The following KHDC1 variants were observed in gnomAD, a reference collection of about 807,000 sequenced individuals.
The protein encoded by KHDC1 is KH homology domain-containing protein 1.
A neutral mutation model predicts 24.7 loss-of-function variants in KHDC1; 21 were observed. The observed-to-expected ratio is 0.85, with a 90% CI of 0.60 to 1.23. The LOEUF (loss-of-function observed/expected upper bound fraction) is 1.23. Ranked by LOEUF, KHDC1 falls within the 50% of genes most tolerant of loss-of-function variation. The pLI, the probability that KHDC1 is intolerant of heterozygous loss-of-function variation, is 0.00. For missense variants in KHDC1, 274 were observed against 298.5 expected (o/e 0.92, Z 0.61); for synonymous variants, 98 against 111.7 (o/e 0.88, Z 0.77).
intron 2 of KHDC1, among the ~76,000 whole-genome samples, chr6:73,279,376 G>A (rs910315383): frequency 6.6e-6 from 1 of 152,026 alleles, no homozygotes; most frequent in East Asian, 1.9e-4. Flanking sequence ...CTCCAGCCTA[G>A]GTGACAGACC....
At chr6:73,278,263 C>G (rs923248039) in intron 2 of KHDC1, among the ~76,000 whole-genome samples, 7 of 151,866 alleles carry the variant, frequency 4.6e-5, no homozygotes, top group Non-Finnish European at 1.5e-5. Context: ...GTGATCCCCC[C>G]ACCTCGGCCT....
rs1767860688 is a variant in KHDC1 at position 73,300,802 on chromosome 6, A to G, written c.163+8750T>C. On this transcript the variant is annotated intron_variant, in intron 1 of 4. Transcript: ENST00000370384. ...GGATATTTAGGCCAATGGAAAATCC[A>G]GTTTTCCTTAGAATTAAGCCAGTGC... is the stretch of plus-strand genomic sequence containing the variant. 4.6e-5 allele frequency: 7 copies of G among 152,206 alleles called. No homozygotes were observed. The East Asian group carries it at 1.3e-3, about 29-fold the overall frequency. 9.4% of individuals were successfully genotyped at this position (152,206 alleles called of 1,614,324 possible).
At chr6:73,279,162 T>A (rs2082280827) in intron 2 of KHDC1, among the ~76,000 whole-genome samples, 1 of 152,208 alleles carries the variant, frequency 6.6e-6, no homozygotes, top group South Asian at 2.1e-4. Flanking sequence ...ATCCCAGCAC[T>A]TTGGGAGGCC....
chr6:73,246,586 T>C (rs771821120), intron 2 of KHDC1, among the ~76,000 whole-genome samples: 4 of 152,178 alleles, frequency 2.6e-5, no homozygotes, highest in Non-Finnish European at 4.4e-5. Flanking sequence ...AAGTCACCAA[T>C]TGATAAATGA....
rs565655372 is a variant in KHDC1 at position 73,271,713 on chromosome 6, G to T, written c.206+20285C>A. ...GTTCAAGACCAGCCTGGCCAACATG[G>T]TGAAACCCCTTCTCTACTAAAACTA... On this transcript the variant is annotated intron_variant, in intron 2 of 4. Transcript: ENST00000370384. Among the ~76,000 whole-genome samples, 38 of 151,084 alleles carry T rather than the reference G, an allele frequency of 2.5e-4. No homozygotes were observed. The South Asian group carries it at 7.7e-3, about 31-fold the overall frequency.
rs1014739606 is a variant in KHDC1 at position 73,291,140 on chromosome 6, G to T, written c.206+858C>A. On this transcript the variant is annotated intron_variant, in intron 2 of 4. Transcript: ENST00000370384. Reference sequence around the variant, plus strand: ...TGCAGACTGGTTTAAAGACATGCAGGTGCCCTCTGTGCCTATTCAGCAGTT... The same window carrying T: ...TGCAGACTGGTTTAAAGACATGCAGTTGCCCTCTGTGCCTATTCAGCAGTT... 1.8e-5 allele frequency: 9 copies of T among 501,286 alleles called. No homozygotes were observed. The East Asian group carries it at 3.9e-4, about 22-fold the overall frequency. 31.1% of individuals were successfully genotyped at this position (501,286 alleles called of 1,614,324 possible). A position where few individuals can be genotyped will look rare whatever the true frequency, so the allele number is the denominator to read the frequency against.
rs199968966 is a variant in KHDC1 at position 73,254,467 on chromosome 6, A to AAAAT, written c.207-11941_207-11938dup. ...CAGAATGAGACTCTGTCTTAAAATA[A>AAAAT]AAATAAATAAATAAATAAATAAATA... On this transcript the variant is annotated intron_variant, in intron 2 of 4. Transcript: ENST00000370384. Among the ~76,000 whole-genome samples the AAAAT allele has an allele frequency of 9.0e-3, 1,270 of 140,578 alleles. 11 individuals are homozygous for AAAAT. The highest frequency in any genetic ancestry group is 0.015 in the Admixed American group (212 of 13,940). The allele number at this position is 140,578 out of a possible 152,430, so 92.2% of individuals were successfully genotyped here. A position where few individuals can be genotyped will look rare whatever the true frequency, so the allele number is the denominator to read the frequency against.
At chr6:73,264,155 C>T (rs1035592402) in intron 2 of KHDC1, among the ~76,000 whole-genome samples, 1 of 152,094 alleles carries the variant, frequency 6.6e-6, no homozygotes, top group African/African-American at 2.4e-5. Flanking sequence ...GCTGAGATCA[C>T]GCCACTGCAT....
chr6:73,299,647 T>C (rs577160811), intron 1 of KHDC1: 7 of 152,658 alleles, frequency 4.6e-5, no homozygotes, highest in South Asian at 2.1e-4. Flanking sequence ...CGGAGGGGGC[T>C]CGGGATTGCA....
chr6:73,264,883 GA>G (rs1350605175), intron 2 of KHDC1, among the ~76,000 whole-genome samples: 1 of 152,226 alleles, frequency 6.6e-6, no homozygotes, highest in Non-Finnish European at 1.5e-5. Flanking sequence ...GAGCAAGGCA[GA>G]TTTTGGAATG....
intron 2 of KHDC1, among the ~76,000 whole-genome samples, chr6:73,248,954 A>AG (rs1270542877): frequency 6.6e-6 from 1 of 151,770 alleles, no homozygotes; most frequent in East Asian, 1.9e-4. Flanking sequence ...AAAAAAAAAA[A>AG]AAAGAAAGAA....
intron 2 of KHDC1, among the ~76,000 whole-genome samples, chr6:73,243,425 C>G (rs1471756106): frequency 6.6e-6 from 1 of 152,190 alleles, no homozygotes; most frequent in African/African-American, 2.4e-5. Flanking sequence ...CAGATCTACA[C>G]CATTGTCAGA....
intron 2 of KHDC1, among the ~76,000 whole-genome samples, chr6:73,243,431 TCAGAATC>T (rs1412735672): frequency 6.6e-6 from 1 of 152,218 alleles, no homozygotes; most frequent in East Asian, 1.9e-4. Context: ...TACACCATTG[TCAGAATC>T]CACTTGTCAC....
chr6:73,281,739 T>C (rs1434396502), intron 2 of KHDC1, among the ~76,000 whole-genome samples: 1 of 152,162 alleles, frequency 6.6e-6, no homozygotes, highest in Non-Finnish European at 1.5e-5. Context: ...AAGCCCATAC[T>C]TTATTCTGAT....
At chr6:73,281,366 C>T (rs1767405262) in intron 2 of KHDC1, among the ~76,000 whole-genome samples, 1 of 149,992 alleles carries the variant, frequency 6.7e-6, no homozygotes, top group Non-Finnish European at 1.5e-5. Context: ...CACCTGGGTG[C>T]AGTGGGTCAC....
At chr6:73,252,940 A>G (rs901543963) in intron 2 of KHDC1, among the ~76,000 whole-genome samples, 1 of 152,218 alleles carries the variant, frequency 6.6e-6, no homozygotes, top group Non-Finnish European at 1.5e-5. Context: ...TGAATTTTAT[A>G]TAATTTTATG....
intron 2 of KHDC1, among the ~76,000 whole-genome samples, chr6:73,246,710 T>TA (rs1362211815): frequency 6.6e-6 from 1 of 152,184 alleles, no homozygotes; most frequent in Admixed American, 6.5e-5. Flanking sequence ...ACAAATAACC[T>TA]AAAAAAATTT....
chr6:73,291,656 G>A (rs1767652550), intron 2 of KHDC1, among the ~76,000 whole-genome samples: 1 of 152,014 alleles, frequency 6.6e-6, no homozygotes, highest in Admixed American at 6.5e-5. Flanking sequence ...ACAGAATGCA[G>A]TGGTGTATGG....
chr6:73,266,565 G>T (rs987939117), intron 2 of KHDC1, among the ~76,000 whole-genome samples: 1 of 152,158 alleles, frequency 6.6e-6, no homozygotes, highest in African/African-American at 2.4e-5. Flanking sequence ...TGGAAAGCTG[G>T]ATACCCACAT....
Sources: gnomAD v4.1 joint callset for allele counts (sites outside exome capture counted in the v4.1 genomes callset) on GRCh38, gnomAD v4.1.1 for gene constraint, MANE v1.5 for transcripts, NCBI Gene and HGNC (gene_info 2026-07-23, HGNC 2026-07-21) for gene names.